The following MGAT1 variants were observed in gnomAD, a reference collection of about 807,000 sequenced individuals.
MGAT1 encodes the protein alpha-1,3-mannosyl-glycoprotein 2-beta-N-acetylglucosaminyltransferase, also known as N-glycosyl-oligosaccharide-glycoprotein N-acetylglucosaminyltransferase I.
In MGAT1, 14 loss-of-function variants were observed where a neutral mutation model predicts 31.7. The observed-to-expected ratio is 0.44, with a 90% CI of 0.29 to 0.69. The LOEUF is 0.69. Ranked by LOEUF, MGAT1 falls within the 30% of genes least tolerant of loss-of-function variation. The probability of loss-of-function intolerance (pLI) is 0.12; values close to 1 mark genes in which losing one functional copy is unlikely to be tolerated. For missense variants in MGAT1, 557 were observed against 626.0 expected (o/e 0.89, Z 1.18); for synonymous variants, 338 against 276.0 (o/e 1.22, Z -2.23).
intron 1 of MGAT1, among the ~76,000 whole-genome samples, chr5:180,796,950 G>A (rs1769528655): frequency 6.6e-6 from 1 of 152,178 alleles, no homozygotes. Flanking sequence ...TCAGGATGTT[G>A]TCCATGTTGG....
rs1360229444 is a variant in MGAT1, at chr5:180,789,665, T to C, written c.*1969A>G. 3 of 137,750 alleles carry C rather than the reference T, an allele frequency of 2.2e-5. No homozygotes were observed. The highest frequency in any genetic ancestry group is 3.2e-5 in the Non-Finnish European group (2 of 63,220). 8.5% of individuals were successfully genotyped at this position (137,750 alleles called of 1,614,324 possible). On this transcript the variant is annotated 3_prime_UTR_variant, in exon 2 of 2. Transcript: ENST00000307826. ...TTTTCCGAGACAGAGTCTTGCTCTG[T>C]CGCCCAGGCTGGAGTGCAGTGGTAT...
At chr5:180,796,386 A>G (rs1007762949) in intron 1 of MGAT1, among the ~76,000 whole-genome samples, 1 of 152,044 alleles carries the variant, frequency 6.6e-6, no homozygotes, top group African/African-American at 2.4e-5. Context: ...TGTGCAATTA[A>G]ATTCTATTAT....
In MGAT1 at chr5:180,792,525, G is replaced by A. The variant is rs367566803; in HGVS notation, c.447C>T (p.Ala149=). ...VSQDCGHEET[A]QAIASYGSAV... ...CGCTGCCGTAGGAGGCGATGGCCTG[G>A]GCCGTCTCCTCGTGCCCGCAGTCCT... Residue 149 remains alanine (A), a synonymous_variant, in exon 2 of 2, where the codon GCC becomes GCT. Coordinates refer to ENST00000307826, the MANE Select transcript of MGAT1 (RefSeq NM_002406.4). 6.1e-4 allele frequency: 984 copies of A among 1,613,008 alleles called. 9 individuals are homozygous for A. Among genetic ancestry groups the A allele is most frequent in the South Asian group, 5.7e-3 (517 of 91,076 alleles).
chr5:180,799,738 GA>G (rs1272988564), intron 1 of MGAT1, among the ~76,000 whole-genome samples: 2 of 152,158 alleles, frequency 1.3e-5, no homozygotes, highest in African/African-American at 4.8e-5. Context: ...TCTTACAAGT[GA>G]TAAAGACACT....
intron 1 of MGAT1, among the ~76,000 whole-genome samples, chr5:180,801,474 C>T (rs1194724438): frequency 6.6e-6 from 1 of 152,046 alleles, no homozygotes; most frequent in Non-Finnish European, 1.5e-5. Context: ...ATGTACCAGG[C>T]CCATAATTTC....
At chr5:180,805,107 C>A (rs1210563876), upstream of MGAT1, among the ~76,000 whole-genome samples, 3 of 152,048 alleles carry the variant, frequency 2.0e-5, no homozygotes, top group East Asian at 3.9e-4. Context: ...ATAGAGGTTA[C>A]ATGGGGAGCA....
chr5:180,812,389 T>C (rs621646), intron 1 of MGAT1, among the ~76,000 whole-genome samples: 26,924 of 151,512 alleles, frequency 0.18, 2,778 homozygotes, highest in African/African-American at 0.29. Flanking sequence ...TTTTCATAAT[T>C]ATAACCATTT....
At chr5:180,799,185 A>G (rs1770147903) in intron 1 of MGAT1, among the ~76,000 whole-genome samples, 1 of 152,204 alleles carries the variant, frequency 6.6e-6, no homozygotes, top group South Asian at 2.1e-4. Flanking sequence ...ACTCAAACTC[A>G]TTATGATGAC....
At position 180,785,160 on chromosome 5, in the gene MGAT1, G is replaced by C. The variant is rs1358656986; in HGVS notation, c.*6474C>G. ...TAGAACCAGTCTCCTAGATGACACTGCTCCCCACCCTTGGATGCTGATGAG... is the reference window on the plus strand; with the variant it reads ...TAGAACCAGTCTCCTAGATGACACTCCTCCCCACCCTTGGATGCTGATGAG... On this transcript the variant is annotated 3_prime_UTR_variant, in exon 2 of 2. Coordinates refer to ENST00000307826, the MANE Select transcript of MGAT1 (RefSeq NM_002406.4). The C allele has an allele frequency of 6.6e-6, 1 of 152,234 alleles. No homozygotes were observed. Among genetic ancestry groups the C allele is most frequent in the Non-Finnish European group, 1.5e-5 (1 of 68,042 alleles). The allele number at this position is 152,234 out of a possible 1,614,324, so 9.4% of individuals were successfully genotyped here.
chr5:180,791,250 T>C lies in MGAT1; in HGVS notation c.*384A>G. On this transcript the variant is annotated 3_prime_UTR_variant, in exon 2 of 2. Coordinates refer to ENST00000307826, the MANE Select transcript of MGAT1 (RefSeq NM_002406.4). The stretch of plus-strand genomic sequence containing the variant: ...AGGGGAGCAGGTATAGAAGGAGGGC[T>C]CGTGCCCTGGCTGGAAGAGCCAGGT... 4.1e-6 allele frequency: 1 copy of C among 242,208 alleles called. No individual in the cohort carries two copies. The allele number at this position is 242,208 out of a possible 1,614,324, so 15.0% of individuals were successfully genotyped here.
upstream of MGAT1, among the ~76,000 whole-genome samples, chr5:180,806,418 T>C (rs1033032622): frequency 2.6e-5 from 4 of 152,124 alleles, no homozygotes; most frequent in Non-Finnish European, 5.9e-5. Flanking sequence ...GAAGGGACTG[T>C]CTCATGGAAG....
At chr5:180,799,719 A>G (rs1474967923) in intron 1 of MGAT1, among the ~76,000 whole-genome samples, 1 of 152,118 alleles carries the variant, frequency 6.6e-6, no homozygotes, top group Non-Finnish European at 1.5e-5. Flanking sequence ...ATCCCATTCC[A>G]TATGCTCTTC....
intron 1 of MGAT1, among the ~76,000 whole-genome samples, chr5:180,796,666 C>T (rs928434709): frequency 4.6e-5 from 7 of 152,012 alleles, no homozygotes; most frequent in Non-Finnish European, 7.4e-5. Context: ...GGCTGGAGTA[C>T]AGTGGCATGA....
chr5:180,802,088 A>C (rs1194191314), intron 1 of MGAT1, among the ~76,000 whole-genome samples: 5 of 152,050 alleles, frequency 3.3e-5, no homozygotes, highest in African/African-American at 1.2e-4. Flanking sequence ...CTACAGCAGC[A>C]AGGGTTAACC....
In MGAT1 at chr5:180,792,018, A is replaced by C. The variant is rs2113209783; in HGVS notation, c.954T>G (p.Gly318=). 1 of 1,613,934 alleles carries C rather than the reference A, an allele frequency of 6.2e-7. No homozygotes were observed. Among genetic ancestry groups the C allele is most frequent in the Non-Finnish European group, 8.5e-7 (1 of 1,179,990 alleles). ...GGTCAAAGAACTGCCCGTGGCTCAC[A>C]CCCTTGCGGCCAAAGGTCATCGTTC... ...ISRTMTFGRK[G]VSHGQFFDQH... is the part of the protein sequence containing the mutation. The change falls in exon 2 of 2, where the codon GGT becomes GGG. Residue 318 remains glycine (G), a synonymous_variant. Coordinates refer to ENST00000307826, the MANE Select transcript of MGAT1 (RefSeq NM_002406.4).
intron 1 of MGAT1, among the ~76,000 whole-genome samples, chr5:180,812,585 C>T (rs1239508380): frequency 6.6e-6 from 1 of 152,106 alleles, no homozygotes; most frequent in African/African-American, 2.4e-5. Flanking sequence ...CACACACACA[C>T]ATACATAACA....
rs978672563 is a variant in MGAT1 at position 180,791,518 on chromosome 5, C to A, written c.*116G>T. 8 of 1,334,570 alleles carry A rather than the reference C, an allele frequency of 6.0e-6. No homozygotes were observed. The highest frequency in any genetic ancestry group is 2.8e-5 in the South Asian group (2 of 70,464). The allele number at this position is 1,334,570 out of a possible 1,614,324, so 82.7% of individuals were successfully genotyped here. A position where few individuals can be genotyped will look rare whatever the true frequency, so the allele number is the denominator to read the frequency against. ...GCACTTAAATGCCACTCGGAAAAATCAAAAAGATAAATGCACCTAAGAGGG... is the reference window on the plus strand; with the variant it reads ...GCACTTAAATGCCACTCGGAAAAATAAAAAAGATAAATGCACCTAAGAGGG... On this transcript the variant is annotated 3_prime_UTR_variant, in exon 2 of 2. Coordinates refer to ENST00000307826, the MANE Select transcript of MGAT1 (RefSeq NM_002406.4).
At chr5:180,797,378 G>A (rs1769623714) in intron 1 of MGAT1, among the ~76,000 whole-genome samples, 1 of 126,998 alleles carries the variant, frequency 7.9e-6, no homozygotes, top group Non-Finnish European at 1.6e-5. Flanking sequence ...TTCCAGCCCG[G>A]ATGATGAAGC....
chr5:180,801,061 C>T (rs1216515721), intron 1 of MGAT1, among the ~76,000 whole-genome samples: 5 of 152,230 alleles, frequency 3.3e-5, no homozygotes, highest in South Asian at 2.1e-4. Context: ...CAGCTAAAAC[C>T]GAGGTGGCTC....
Sources: allele counts gnomAD v4.1 joint callset (sites outside exome capture counted in the v4.1 genomes callset), GRCh38; gene constraint gnomAD v4.1.1; transcripts MANE v1.5; gene names NCBI Gene and HGNC (gene_info 2026-07-23, HGNC 2026-07-21).